The following TENM4 variants were observed in gnomAD, a reference collection of about 807,000 sequenced individuals.
The protein encoded by TENM4 is teneurin transmembrane protein 4, also known as teneurin-4.
TENM4 carries 82 observed loss-of-function variants against 243.3 expected under a neutral mutation model. The ratio of observed to expected loss-of-function variants is 0.34; its 90% CI spans 0.28 to 0.40. The LOEUF (loss-of-function observed/expected upper bound fraction) is 0.40. TENM4 is among the 10% of genes least tolerant of loss of function. The probability of loss-of-function intolerance (pLI) is 1.00; values close to 1 mark genes in which losing one functional copy is unlikely to be tolerated. For synonymous variants in TENM4, 1,412 were observed against 1,456.3 expected (o/e 0.97, Z 0.69); for missense variants, 3,138 against 3,673.3 (o/e 0.85, Z 3.77).
intron 25 of TENM4, among the ~76,000 whole-genome samples, chr11:78,715,110 C>G (rs1057353056): frequency 6.6e-6 from 1 of 152,158 alleles, no homozygotes; most frequent in Non-Finnish European, 1.5e-5. Context: ...TTTAGCTCTT[C>G]TTTTACTTCT....
intron 12 of TENM4, among the ~76,000 whole-genome samples, chr11:78,834,423 A>G (rs905194444): frequency 1.8e-4 from 27 of 151,906 alleles, no homozygotes; most frequent in African/African-American, 6.5e-4. Context: ...ATGTCTGATG[A>G]TCCTCTGTTC....
chr11:79,321,506 G>A (rs1007810204), intron 1 of TENM4, among the ~76,000 whole-genome samples: 22 of 152,240 alleles, frequency 1.4e-4, no homozygotes, highest in African/African-American at 4.6e-4. Context: ...TCACAGGAAA[G>A]GGGGAGGGGG....
At chr11:78,751,490 C>A (rs913128116) in intron 19 of TENM4, among the ~76,000 whole-genome samples, 1 of 152,152 alleles carries the variant, frequency 6.6e-6, no homozygotes, top group Non-Finnish European at 1.5e-5. Flanking sequence ...AATTCCCTTC[C>A]TCAAATAATG....
At chr11:79,049,264 C>T (rs557764069) in intron 6 of TENM4, among the ~76,000 whole-genome samples, 21 of 152,218 alleles carry the variant, frequency 1.4e-4, no homozygotes, top group Non-Finnish European at 2.5e-4. Context: ...CATTTGGACA[C>T]GGCTCTTCCC....
intron 6 of TENM4, among the ~76,000 whole-genome samples, chr11:79,005,673 G>C (rs950443312): frequency 6.6e-6 from 1 of 152,060 alleles, no homozygotes; most frequent in African/African-American, 2.4e-5. Context: ...CATTTCCCCT[G>C]AGAGCAAGAA....
intron 28 of TENM4, among the ~76,000 whole-genome samples, chr11:78,690,199 C>G (rs1858785525): frequency 6.6e-6 from 1 of 152,172 alleles, no homozygotes; most frequent in African/African-American, 2.4e-5. Context: ...GCTAAGTGAG[C>G]AGTAGTTCTG....
At chr11:78,782,393 T>A (rs1178839817) in intron 16 of TENM4, among the ~76,000 whole-genome samples, 1 of 151,178 alleles carries the variant, frequency 6.6e-6, no homozygotes, top group Non-Finnish European at 1.5e-5. Context: ...AGGTCAGGAG[T>A]TTGAGATCAG....
chr11:79,050,295 A>G (rs1008045383), intron 6 of TENM4, among the ~76,000 whole-genome samples: 1 of 152,198 alleles, frequency 6.6e-6, no homozygotes, highest in Non-Finnish European at 1.5e-5. Flanking sequence ...ATCTTTTAGC[A>G]CTAGCTCTAG....
chr11:79,221,738 G>A (rs1864160057), intron 2 of TENM4, among the ~76,000 whole-genome samples: 1 of 152,122 alleles, frequency 6.6e-6, no homozygotes, highest in Admixed American at 6.6e-5. Context: ...TGCACACAAG[G>A]GGAAATAAAG....
intron 4 of TENM4, among the ~76,000 whole-genome samples, chr11:79,137,692 TA>T (rs1382040801): frequency 6.6e-6 from 1 of 152,226 alleles, no homozygotes; most frequent in Non-Finnish European, 1.5e-5. Context: ...ACTTTCATTT[TA>T]TTTCCTTTCT....
intron 6 of TENM4, among the ~76,000 whole-genome samples, chr11:79,000,964 G>A (rs1858307947): frequency 6.6e-6 from 1 of 152,238 alleles, no homozygotes; most frequent in African/African-American, 2.4e-5. Flanking sequence ...CCAGGAGGTG[G>A]AGGTTGCAGT....
At chr11:79,315,852 A>C (rs912505825) in intron 1 of TENM4, among the ~76,000 whole-genome samples, 2 of 152,244 alleles carry the variant, frequency 1.3e-5, no homozygotes, top group East Asian at 1.9e-4. Flanking sequence ...AAAGAATAAC[A>C]AATGTTAGAG....
In TENM4 at chr11:79,251,153, T is replaced by A. The variant is rs138945840; in HGVS notation, c.-264-35244A>T. Among the ~76,000 whole-genome samples the A allele has an allele frequency of 6.8e-3, 1,043 of 152,290 alleles. 9 individuals are homozygous for A. The highest frequency in any genetic ancestry group is 0.024 in the African/African-American group (996 of 41,548). Reference sequence around the variant, plus strand: ...ATAGCTAGAGGCTAGAGTTTTAACATCCACGTGGGGGAAAAAAGATGTAGC... The same window carrying A: ...ATAGCTAGAGGCTAGAGTTTTAACAACCACGTGGGGGAAAAAAGATGTAGC... On this transcript the variant is annotated intron_variant, in intron 2 of 33. Coordinates refer to ENST00000278550, the MANE Select transcript of TENM4 (RefSeq NM_001098816.3).
chr11:79,434,726 G>C (rs1230205292), intron 1 of TENM4, among the ~76,000 whole-genome samples: 1 of 152,112 alleles, frequency 6.6e-6, no homozygotes, highest in Non-Finnish European at 1.5e-5. Context: ...AAAATAAATA[G>C]CCATATTCTG....
chr11:79,062,642 A>G (rs1860133016), intron 6 of TENM4, among the ~76,000 whole-genome samples: 1 of 152,184 alleles, frequency 6.6e-6, no homozygotes, highest in Non-Finnish European at 1.5e-5. Flanking sequence ...AAGAACTAAC[A>G]TTCTCAGATC....
chr11:79,409,669 G>A (rs1858657367), intron 1 of TENM4, among the ~76,000 whole-genome samples: 1 of 152,138 alleles, frequency 6.6e-6, no homozygotes, highest in Non-Finnish European at 1.5e-5. Context: ...AGACACTACG[G>A]ATGCCCTCAA....
intron 15 of TENM4, among the ~76,000 whole-genome samples, chr11:78,794,871 G>C (rs540653692): frequency 6.6e-6 from 1 of 152,276 alleles, no homozygotes; most frequent in East Asian, 1.9e-4. Flanking sequence ...TCTCTAGATG[G>C]GAAAACTAGG....
intron 1 of TENM4, among the ~76,000 whole-genome samples, chr11:79,354,190 C>T (rs574963702): frequency 5.3e-5 from 8 of 152,276 alleles, no homozygotes; most frequent in African/African-American, 1.7e-4. Context: ...CATAGTAAGC[C>T]CTCACTGAAT....
At chr11:79,360,907 T>C (rs1469388098) in intron 1 of TENM4, among the ~76,000 whole-genome samples, 1 of 152,226 alleles carries the variant, frequency 6.6e-6, no homozygotes, top group East Asian at 1.9e-4. Flanking sequence ...CTTCCTGCCC[T>C]GCCCACAATG....
Sources: allele counts gnomAD v4.1 joint callset (sites outside exome capture counted in the v4.1 genomes callset), GRCh38; gene constraint gnomAD v4.1.1; transcripts MANE v1.5; gene names NCBI Gene and HGNC (gene_info 2026-07-23, HGNC 2026-07-21).